The following ZNF407 variants were observed in gnomAD, a reference collection of about 807,000 sequenced individuals.
ZNF407 encodes the protein zinc finger protein 407.
A neutral mutation model predicts 131.2 loss-of-function variants in ZNF407; 17 were observed. The observed-to-expected ratio is 0.13, with a 90% CI of 0.09 to 0.19. ZNF407 has a LOEUF of 0.19. Among genes scored for constraint, ZNF407 ranks in the 10% least tolerant of loss-of-function variants. The pLI, the probability that ZNF407 is intolerant of heterozygous loss-of-function variation, is 1.00. For synonymous variants in ZNF407, 1,156 were observed against 1,062.0 expected (o/e 1.09, Z -1.72); for missense variants, 2,681 against 2,830.6 (o/e 0.95, Z 1.20).
At chr18:75,041,168 G>C (rs1221132846) in intron 8 of ZNF407, among the ~76,000 whole-genome samples, 1 of 152,220 alleles carries the variant, frequency 6.6e-6, no homozygotes, top group African/African-American at 2.4e-5. Flanking sequence ...AGCTGCCCAG[G>C]CATATGTAGC....
intron 4 of ZNF407, among the ~76,000 whole-genome samples, chr18:74,797,341 CATT>C (rs1969939002): frequency 6.6e-6 from 1 of 152,238 alleles, no homozygotes; most frequent in South Asian, 2.1e-4. Context: ...CTCTGGCTGA[CATT>C]GTTGCCAAAT....
intron 7 of ZNF407, among the ~76,000 whole-genome samples, chr18:74,914,714 C>G (rs886094085): frequency 6.6e-6 from 1 of 152,088 alleles, no homozygotes; most frequent in Non-Finnish European, 1.5e-5. Context: ...GGAATGGACC[C>G]GGCTGCCTGA....
intron 8 of ZNF407, among the ~76,000 whole-genome samples, chr18:75,014,062 T>C (rs1003081660): frequency 6.6e-6 from 1 of 152,098 alleles, no homozygotes; most frequent in Admixed American, 6.6e-5. Flanking sequence ...CCAAATGAAT[T>C]GGGCAGTTTG....
At chr18:74,796,792 A>T (rs537123784) in intron 4 of ZNF407, among the ~76,000 whole-genome samples, 6 of 152,246 alleles carry the variant, frequency 3.9e-5, no homozygotes, top group African/African-American at 1.4e-4. Flanking sequence ...TGGTGTCATC[A>T]TTTTCTGACA....
intron 4 of ZNF407, among the ~76,000 whole-genome samples, chr18:74,818,568 C>T (rs1970298045): frequency 6.6e-6 from 1 of 152,192 alleles, no homozygotes; most frequent in Non-Finnish European, 1.5e-5. Flanking sequence ...CACTGTCCTT[C>T]TTTTGACTAA....
intron 1 of ZNF407, among the ~76,000 whole-genome samples, chr18:74,622,839 TGTATCTGA>T (rs1983584805): frequency 1.3e-5 from 2 of 151,852 alleles, no homozygotes; most frequent in African/African-American, 4.8e-5. Flanking sequence ...CGTGTGAGTG[TGTATCTGA>T]ATGAGTGTGT....
intron 3 of ZNF407, among the ~76,000 whole-genome samples, chr18:74,644,820 T>C (rs1168483650): frequency 6.6e-6 from 1 of 152,022 alleles, no homozygotes; most frequent in Admixed American, 6.6e-5. Context: ...TTTTCTATAT[T>C]TCTCCACTTT....
At chr18:75,039,067 G>C (rs1043723673) in intron 8 of ZNF407, among the ~76,000 whole-genome samples, 1 of 152,166 alleles carries the variant, frequency 6.6e-6, no homozygotes, top group African/African-American at 2.4e-5. Flanking sequence ...GAACAATTAT[G>C]TTTTCCTAAT....
At chr18:74,953,493 A>AT (rs1388242989) in intron 8 of ZNF407, among the ~76,000 whole-genome samples, 19 of 152,054 alleles carry the variant, frequency 1.2e-4, no homozygotes, top group African/African-American at 2.4e-4. Flanking sequence ...CTTAACTTGG[A>AT]TTTTTTTAAA....
intron 7 of ZNF407, among the ~76,000 whole-genome samples, chr18:74,919,269 T>C (rs1209480954): frequency 6.6e-6 from 1 of 152,204 alleles, no homozygotes; most frequent in Non-Finnish European, 1.5e-5. Flanking sequence ...TTCACTTCCT[T>C]GACCAATATT....
chr18:74,684,602 G>A lies in ZNF407; in HGVS notation c.4802+43480G>A, dbSNP rs1041276065. On this transcript the variant is annotated intron_variant, in intron 3 of 8. Coordinates refer to ENST00000299687, the MANE Select transcript of ZNF407 (RefSeq NM_017757.3). The stretch of plus-strand genomic sequence containing the variant: ...TTTTACAGATTGTAAACTGAGTATC[G>A]TACTGTAAACCGAATTATTTGCATG... 3.9e-5 allele frequency among the ~76,000 whole-genome samples: 6 copies of A among 152,214 alleles called. No homozygotes were observed. In the East Asian group the frequency reaches 5.8e-4, roughly 15 times the overall value.
intron 8 of ZNF407, among the ~76,000 whole-genome samples, chr18:74,959,550 T>C (rs183762827): frequency 1.1e-4 from 16 of 152,356 alleles, no homozygotes; most frequent in African/African-American, 3.1e-4. Context: ...TGTGTTTCTA[T>C]GTATCTTGAA....
chr18:74,839,471 C>T (rs1219409423), intron 4 of ZNF407, among the ~76,000 whole-genome samples: 1 of 152,168 alleles, frequency 6.6e-6, no homozygotes, highest in Non-Finnish European at 1.5e-5. Flanking sequence ...GAAACCTTAG[C>T]TGTGCTCTTA....
intron 3 of ZNF407, among the ~76,000 whole-genome samples, chr18:74,691,747 G>T (rs1967228675): frequency 6.6e-6 from 1 of 151,980 alleles, no homozygotes; most frequent in Non-Finnish European, 1.5e-5. Context: ...TTGCTGTTTT[G>T]GGTGTTGTGA....
intron 4 of ZNF407, among the ~76,000 whole-genome samples, chr18:74,853,525 G>A (rs1478129561): frequency 6.6e-6 from 1 of 152,136 alleles, no homozygotes; most frequent in Non-Finnish European, 1.5e-5. Context: ...ATTTTGGTTT[G>A]TAATTGAATA....
intron 3 of ZNF407, among the ~76,000 whole-genome samples, chr18:74,748,032 T>C (rs1258719522): frequency 6.6e-6 from 1 of 152,138 alleles, no homozygotes; most frequent in African/African-American, 2.4e-5. Context: ...ATAAAAGCTG[T>C]CAGGCATTAG....
At position 75,021,961 on chromosome 18, in the gene ZNF407, A is replaced by G. The variant is rs948960458; in HGVS notation, c.5429-41189A>G. On this transcript the variant is annotated intron_variant, in intron 8 of 8. Coordinates refer to ENST00000299687, the MANE Select transcript of ZNF407 (RefSeq NM_017757.3). The stretch of plus-strand genomic sequence containing the variant: ...ACATTAAAATTTTATATATTTTTAT[A>G]TAAAGAGCTCATTATCATTAAATCA... Among the ~76,000 whole-genome samples the G allele has an allele frequency of 4.6e-5, 7 of 151,964 alleles. No individual in the cohort carries two copies. The East Asian group carries it at 5.8e-4, about 13-fold the overall frequency.
intron 4 of ZNF407, among the ~76,000 whole-genome samples, chr18:74,823,526 G>A (rs921393039): frequency 6.6e-6 from 1 of 151,984 alleles, no homozygotes; most frequent in Non-Finnish European, 1.5e-5. Flanking sequence ...TATTTACCAA[G>A]CAAATGGAAA....
intron 3 of ZNF407, among the ~76,000 whole-genome samples, chr18:74,667,088 T>G (rs1985959797): frequency 6.6e-6 from 1 of 152,218 alleles, no homozygotes; most frequent in African/African-American, 2.4e-5. Flanking sequence ...TGATGATCTG[T>G]TGGTGCCTCA....
Sources: gnomAD v4.1 joint callset for allele counts (sites outside exome capture counted in the v4.1 genomes callset) on GRCh38, gnomAD v4.1.1 for gene constraint, MANE v1.5 for transcripts, NCBI Gene and HGNC (gene_info 2026-07-23, HGNC 2026-07-21) for gene names.